The following DLGAP1 variants were observed in gnomAD, a reference collection of about 807,000 sequenced individuals.
The protein encoded by DLGAP1 is DLG associated protein 1.
DLGAP1 carries 11 observed loss-of-function variants against 90.8 expected under a neutral mutation model. The observed-to-expected ratio is 0.12, with a 90% CI of 0.08 to 0.20. DLGAP1 has a LOEUF of 0.20. Ranked by LOEUF, DLGAP1 falls within the 10% of genes least tolerant of loss-of-function variation. DLGAP1 has a pLI of 1.00. For missense variants in DLGAP1, 1,050 were observed against 1,333.8 expected, an observed-to-expected ratio of 0.79 and a Z score of 3.31; for synonymous variants, 558 against 540.7, an observed-to-expected ratio of 1.03 and a Z score of -0.44.
intron 2 of DLGAP1, among the ~76,000 whole-genome samples, chr18:4,054,361 T>G (rs1045148909): frequency 6.6e-6 from 1 of 152,230 alleles, no homozygotes; most frequent in African/African-American, 2.4e-5. Context: ...CATGGCAAAG[T>G]AAACCATTAG....
intron 1 of DLGAP1, among the ~76,000 whole-genome samples, chr18:4,395,555 T>C (rs1015303289): frequency 1.3e-5 from 2 of 152,172 alleles, no homozygotes; most frequent in African/African-American, 4.8e-5. Flanking sequence ...TTAACATGGT[T>C]CTCTGTAAAG....
rs184922532 is a variant in DLGAP1, at chr18:4,031,547, T to C, written c.-158-26346A>G. 4.8e-4 allele frequency among the ~76,000 whole-genome samples: 73 copies of C among 152,284 alleles called. No homozygotes were observed. In the East Asian group the frequency reaches 0.013, roughly 27 times the overall value. On this transcript the variant is annotated intron_variant, in intron 2 of 12. Transcript: ENST00000315677. ...CTGTTATGGCCCCTTTAGAGGCAGT[T>C]GATGGGAAATAAGCAACAGTGTTTG...
intron 2 of DLGAP1, among the ~76,000 whole-genome samples, chr18:4,034,994 A>G (rs2074864700): frequency 6.6e-6 from 1 of 152,028 alleles, no homozygotes; most frequent in Non-Finnish European, 1.5e-5. Context: ...ATGTCCCTGC[A>G]AAGAACGTGA....
At chr18:3,851,950 TA>T (rs1235052416) in intron 4 of DLGAP1, among the ~76,000 whole-genome samples, 2 of 151,626 alleles carry the variant, frequency 1.3e-5, no homozygotes, top group Non-Finnish European at 2.9e-5. Flanking sequence ...GAAAGGAAGG[TA>T]AAGGAAGGGA....
intron 1 of DLGAP1, among the ~76,000 whole-genome samples, chr18:4,166,168 C>T (rs2076929924): frequency 6.6e-6 from 1 of 151,936 alleles, no homozygotes. Context: ...CTAAAACAAA[C>T]AAATAAACAA....
chr18:3,516,413 T>C (rs1405642872), intron 10 of DLGAP1, among the ~76,000 whole-genome samples: 1 of 152,142 alleles, frequency 6.6e-6, no homozygotes, highest in Non-Finnish European at 1.5e-5. Flanking sequence ...TCCAGAAGGT[T>C]TTCAATGGAC....
intron 7 of DLGAP1, chr18:3,655,872 G>T: frequency 2.1e-6 from 1 of 486,382 alleles, no homozygotes; most frequent in South Asian, 3.5e-5. Context: ...TGTTGGTGCT[G>T]CCCTCTCAGG....
chr18:4,220,184 A>G (rs556317374), intron 1 of DLGAP1, among the ~76,000 whole-genome samples: 5 of 152,052 alleles, frequency 3.3e-5, no homozygotes, highest in African/African-American at 1.2e-4. Flanking sequence ...AGTGTATTTC[A>G]CCTCCTTGGG....
chr18:3,879,255 G>T lies in DLGAP1; in HGVS notation c.814C>A (p.Pro272Thr), dbSNP rs1404202119. The T allele has an allele frequency of 2.5e-6, 4 of 1,598,806 alleles. No homozygotes were observed. The highest frequency in any genetic ancestry group is 3.4e-6 in the Non-Finnish European group (4 of 1,172,366). ...GACCAGGCGCTCTTCTTCAGCAGCG[G>T]GGTGTCCAGGCTGACCGGCAGGTTG... ...CANLPVSLDT[P>T]LLKKSAWSST... Residue 272 changes from proline (P) to threonine (T), a missense_variant, in exon 4 of 13, where the codon CCG (proline) becomes ACG (threonine). Pro to Thr is a conservative substitution (Grantham distance 38). Transcript: ENST00000315677. This position sits in a 1 kb window ranked among gnomAD's most constrained non-coding sequence, Gnocchi z 6.6.
At chr18:4,086,330 G>T (rs2075680374) in intron 2 of DLGAP1, among the ~76,000 whole-genome samples, 2 of 152,086 alleles carry the variant, frequency 1.3e-5, no homozygotes, top group African/African-American at 4.8e-5. Context: ...AACAAAGTAT[G>T]AAAAAAACTG....
At chr18:3,597,101 T>TC in intron 7 of DLGAP1, 1 of 520,030 alleles carries the variant, frequency 1.9e-6, no homozygotes, top group Non-Finnish European at 3.8e-6. Flanking sequence ...CTTTTTTTTT[T>TC]CACTCTCAGC....
At chr18:4,280,568 A>G (rs1335820467) in intron 1 of DLGAP1, among the ~76,000 whole-genome samples, 1 of 152,224 alleles carries the variant, frequency 6.6e-6, no homozygotes, top group African/African-American at 2.4e-5. Flanking sequence ...ACAGTTCCAC[A>G]CTGTCCCTCT....
chr18:4,209,223 C>T (rs551015486), intron 1 of DLGAP1, among the ~76,000 whole-genome samples: 3 of 152,156 alleles, frequency 2.0e-5, no homozygotes, highest in Non-Finnish European at 4.4e-5. Context: ...GGGGTTATGG[C>T]GGTGGTGATT....
At chr18:3,780,497 C>T (rs997100682) in intron 5 of DLGAP1, among the ~76,000 whole-genome samples, 10 of 149,456 alleles carry the variant, frequency 6.7e-5, no homozygotes, top group South Asian at 2.1e-4. Flanking sequence ...TATGCAAAGC[C>T]GGCAGTGGTT....
At chr18:3,977,909 A>G (rs2073630932) in intron 3 of DLGAP1, 2 of 363,844 alleles carry the variant, frequency 5.5e-6, no homozygotes, top group South Asian at 4.3e-5. Flanking sequence ...CAGGTCCATG[A>G]CCAACACGTT....
At chr18:3,602,482 C>T (rs894505661) in intron 7 of DLGAP1, among the ~76,000 whole-genome samples, 1 of 150,274 alleles carries the variant, frequency 6.7e-6, no homozygotes, top group Admixed American at 6.7e-5. Flanking sequence ...GTAGTCCCAG[C>T]TACTCGGGAG....
intron 1 of DLGAP1, among the ~76,000 whole-genome samples, chr18:4,269,352 A>ATTTTTTTTT (rs1354735064): frequency 7.6e-6 from 1 of 131,262 alleles, no homozygotes; most frequent in Non-Finnish European, 1.5e-5. Flanking sequence ...ATATATATAT[A>ATTTTTTTTT]TATTTTTTTT....
intron 5 of DLGAP1, among the ~76,000 whole-genome samples, chr18:3,768,766 C>A (rs916593167): frequency 2.6e-5 from 4 of 152,098 alleles, no homozygotes; most frequent in Non-Finnish European, 1.5e-5. Context: ...TCCCACCTTA[C>A]GCAAACTCAA....
intron 4 of DLGAP1, among the ~76,000 whole-genome samples, chr18:3,872,146 G>C (rs2070783909): frequency 6.8e-6 from 1 of 146,130 alleles, no homozygotes; most frequent in South Asian, 2.1e-4. Context: ...TTTTTAATGA[G>C]AGTCCTAAAT....
Sources: gnomAD v4.1 joint callset for allele counts (sites outside exome capture counted in the v4.1 genomes callset) on GRCh38, gnomAD v4.1.1 for gene constraint, Gnocchi (gnomAD v3.1) non-coding constraint, MANE v1.5 for transcripts, NCBI Gene and HGNC (gene_info 2026-07-23, HGNC 2026-07-21) for gene names.